PPP2R3A: variants seen among roughly 807,000 people sequenced by gnomAD.
The protein encoded by PPP2R3A is protein phosphatase 2 regulatory subunit B''alpha.
PPP2R3A carries 80 observed loss-of-function variants against 106.9 expected under a neutral mutation model. The ratio of observed to expected loss-of-function variants is 0.75; its 90% CI spans 0.62 to 0.90. The LOEUF (loss-of-function observed/expected upper bound fraction) is 0.90, where lower values mean the gene tolerates loss of function less well. Among genes scored for constraint, PPP2R3A ranks in the 40% least tolerant of loss-of-function variants. The pLI, the probability that PPP2R3A is intolerant of heterozygous loss-of-function variation, is 0.00. For missense variants in PPP2R3A, 1,386 were observed against 1,350.4 expected (o/e 1.03, Z -0.41); for synonymous variants, 483 against 468.3 (o/e 1.03, Z -0.41).
At chr3:136,031,890 T>G (rs940940560) in intron 3 of PPP2R3A, among the ~76,000 whole-genome samples, 1 of 152,230 alleles carries the variant, frequency 6.6e-6, no homozygotes, top group South Asian at 2.1e-4. Flanking sequence ...AGTACCATGC[T>G]GTTTTGGTGA....
In PPP2R3A at chr3:136,001,391, A is replaced by C; in HGVS notation, c.-108A>C. The C allele has an allele frequency of 1.0e-6, 1 of 977,072 alleles. No homozygotes were observed. The highest frequency in any genetic ancestry group is 1.5e-6 in the Non-Finnish European group (1 of 652,224). The allele number at this position is 977,072 out of a possible 1,614,324, so 60.5% of individuals were successfully genotyped here. A position where few individuals can be genotyped will look rare whatever the true frequency, so the allele number is the denominator to read the frequency against. On this transcript the variant is annotated 5_prime_UTR_variant, in exon 2 of 14. Coordinates refer to ENST00000264977, the MANE Select transcript of PPP2R3A (RefSeq NM_002718.5). ...AAAGCCATTATATTTGGAAGAAACC[A>C]CTGAACATTGTTATTAAATATATTT...
rs1015662453 is a variant in PPP2R3A, at chr3:136,090,565, G to T, written c.2838-13G>T. Reference sequence around the variant, plus strand: ...ATTGCTCAGGAAATTTTATAACCATGTGTTTTCTTTAGGGGAAAAACAATA... The same window carrying T: ...ATTGCTCAGGAAATTTTATAACCATTTGTTTTCTTTAGGGGAAAAACAATA... On this transcript the variant is annotated splice_polypyrimidine_tract_variant and intron_variant, in intron 9 of 13. Transcript: ENST00000264977. 6.2e-7 allele frequency: 1 copy of T among 1,602,906 alleles called. No individual in the cohort carries two copies. Among genetic ancestry groups the T allele is most frequent in the Non-Finnish European group, 8.5e-7 (1 of 1,170,456 alleles).
At chr3:136,106,129 C>A in intron 12 of PPP2R3A, 87 bp from the exon 13 acceptor site, 1 of 1,072,402 alleles carries the variant, frequency 9.3e-7, no homozygotes, top group Non-Finnish European at 1.4e-6. Flanking sequence ...AGGATTTTTT[C>A]AGCAGTATAC....
intron 10 of PPP2R3A, among the ~76,000 whole-genome samples, chr3:136,100,800 C>T (rs1937341513): frequency 6.6e-6 from 1 of 152,070 alleles, no homozygotes. Context: ...TCTACTCCAG[C>T]CTGGGCAGCA....
At chr3:136,096,748 A>C (rs1422474497) in intron 10 of PPP2R3A, among the ~76,000 whole-genome samples, 1 of 152,234 alleles carries the variant, frequency 6.6e-6, no homozygotes, top group East Asian at 1.9e-4. Context: ...ACAGGAGTTT[A>C]TATTAGGGGT....
chr3:136,077,208 G>T (rs1007409377), intron 6 of PPP2R3A, among the ~76,000 whole-genome samples: 1 of 152,074 alleles, frequency 6.6e-6, no homozygotes, highest in Non-Finnish European at 1.5e-5. Flanking sequence ...TGATAGCAGG[G>T]GTGGGGTAGT....
At chr3:136,138,631 A>G (rs1938717843) in intron 13 of PPP2R3A, among the ~76,000 whole-genome samples, 2 of 151,412 alleles carry the variant, frequency 1.3e-5, no homozygotes, top group Non-Finnish European at 2.9e-5. Flanking sequence ...ACTTAAAAGT[A>G]TAAAGATAAA....
chr3:136,011,699 A>C (rs999883319), intron 2 of PPP2R3A, among the ~76,000 whole-genome samples: 2 of 152,166 alleles, frequency 1.3e-5, no homozygotes, highest in Admixed American at 1.3e-4. Flanking sequence ...AATTACATAG[A>C]GATCTTTGAA....
intron 12 of PPP2R3A, among the ~76,000 whole-genome samples, chr3:136,105,340 G>C (rs1937488832): frequency 6.6e-6 from 1 of 152,174 alleles, no homozygotes. Context: ...CTAAAGAGTA[G>C]ACTTACCAGG....
intron 6 of PPP2R3A, among the ~76,000 whole-genome samples, chr3:136,073,332 A>C (rs759630086): frequency 3.9e-5 from 6 of 152,228 alleles, no homozygotes; most frequent in Non-Finnish European, 8.8e-5. Flanking sequence ...CATATAATTC[A>C]CATTTTCTGA....
At chr3:136,127,485 C>T (rs1370255205) in intron 13 of PPP2R3A, among the ~76,000 whole-genome samples, 1 of 152,132 alleles carries the variant, frequency 6.6e-6, no homozygotes, top group Non-Finnish European at 1.5e-5. Flanking sequence ...AAGAAACAAA[C>T]AAAGCCTCCA....
rs1342183421 is a variant in PPP2R3A at position 136,040,958 on chromosome 3, A to G, written c.2362A>G (p.Arg788Gly). 3.1e-6 allele frequency: 5 copies of G among 1,612,826 alleles called. No homozygotes were observed. The highest frequency in any genetic ancestry group is 3.3e-5 in the Admixed American group (2 of 59,924). ...AGCACAGTCATTCATTGCCATGTGG[A>G]GAAAGTAAGTATGTGAGCAGTCTCT... is the stretch of plus-strand genomic sequence containing the variant. ...VTAQSFIAMW[R>G]KLLNNHHDDA... Residue 788 changes from arginine (R) to glycine (G), a missense_variant, in exon 4 of 14, where the codon AGA becomes GGA. Arg to Gly is a moderately radical substitution (Grantham distance 125). Transcript: ENST00000264977.
intron 10 of PPP2R3A, among the ~76,000 whole-genome samples, chr3:136,100,529 A>AT (rs1937333611): frequency 6.6e-6 from 1 of 151,304 alleles, no homozygotes. Flanking sequence ...AAAAAAAAAA[A>AT]TTAGTTGAGC....
chr3:136,048,247 G>A (rs550036753), intron 4 of PPP2R3A, among the ~76,000 whole-genome samples: 29 of 152,292 alleles, frequency 1.9e-4, no homozygotes, highest in East Asian at 1.4e-3. Flanking sequence ...TGGTAAGGAC[G>A]GTAGCATTTA....
chr3:136,135,738 C>A (rs1411043052), intron 13 of PPP2R3A, among the ~76,000 whole-genome samples: 2 of 152,064 alleles, frequency 1.3e-5, no homozygotes, highest in South Asian at 2.1e-4. Flanking sequence ...TATTACTACT[C>A]CATATAGGAG....
intron 2 of PPP2R3A, among the ~76,000 whole-genome samples, chr3:136,009,489 C>T (rs566728454): frequency 2.6e-5 from 4 of 152,174 alleles, no homozygotes; most frequent in Non-Finnish European, 5.9e-5. Context: ...GTATCCAATA[C>T]AGGAGCTTCT....
chr3:136,133,184 G>A (rs986918019), intron 13 of PPP2R3A, among the ~76,000 whole-genome samples: 1 of 152,090 alleles, frequency 6.6e-6, no homozygotes, highest in Non-Finnish European at 1.5e-5. Flanking sequence ...AATTAAAAAC[G>A]ATTGCTCTTC....
intron 1 of PPP2R3A, among the ~76,000 whole-genome samples, chr3:135,985,414 CTCTCTG>C (rs1937599755): frequency 6.6e-6 from 1 of 151,312 alleles, no homozygotes; most frequent in African/African-American, 2.4e-5. Flanking sequence ...CTCTCTCGCT[CTCTCTG>C]TCTCTCTCTC....
chr3:136,022,928 A>G (rs1576441153), intron 2 of PPP2R3A: 2 of 1,470,258 alleles, frequency 1.4e-6, no homozygotes, highest in Non-Finnish European at 8.9e-7. Flanking sequence ...GGAGGCTGGG[A>G]GAGCACAATG....
Sources: allele counts gnomAD v4.1 joint callset (sites outside exome capture counted in the v4.1 genomes callset), GRCh38; gene constraint gnomAD v4.1.1; transcripts MANE v1.5; gene names NCBI Gene and HGNC (gene_info 2026-07-23, HGNC 2026-07-21).